FCHSD2: variants seen among roughly 807,000 people sequenced by gnomAD.
The protein encoded by FCHSD2 is F-BAR and double SH3 domains protein 2.
In FCHSD2, 38 loss-of-function variants were observed where a neutral mutation model predicts 108.1. The observed-to-expected ratio is 0.35, with a 90% CI of 0.27 to 0.46. FCHSD2 has a LOEUF of 0.46. Ranked by LOEUF, FCHSD2 falls within the 20% of genes least tolerant of loss-of-function variation. The probability of loss-of-function intolerance (pLI) is 1.00; values close to 1 mark genes in which losing one functional copy is unlikely to be tolerated. For synonymous variants in FCHSD2, 279 were observed against 314.7 expected (o/e 0.89, Z 1.20); for missense variants, 751 against 897.8 (o/e 0.84, Z 2.09).
chr11:73,010,507 T>C (rs1455994094), intron 4 of FCHSD2, among the ~76,000 whole-genome samples: 7 of 152,364 alleles, frequency 4.6e-5, no homozygotes, highest in East Asian at 1.9e-4. Flanking sequence ...TCTGATGTGA[T>C]AGTCACTTCT....
intron 1 of FCHSD2, among the ~76,000 whole-genome samples, chr11:73,140,332 T>C (rs1405139038): frequency 6.6e-6 from 1 of 152,142 alleles, no homozygotes; most frequent in Non-Finnish European, 1.5e-5. Flanking sequence ...AGAGGTTAAA[T>C]GAAAATACAC....
intron 8 of FCHSD2, among the ~76,000 whole-genome samples, chr11:72,969,460 A>G (rs1365345981): frequency 1.3e-5 from 2 of 152,240 alleles, no homozygotes; most frequent in Non-Finnish European, 2.9e-5. Flanking sequence ...GGACAGAGAC[A>G]AAAAGATGAA....
chr11:72,921,505 C>T (rs1000797589), intron 9 of FCHSD2, among the ~76,000 whole-genome samples: 3 of 152,130 alleles, frequency 2.0e-5, no homozygotes, highest in Non-Finnish European at 2.9e-5. Flanking sequence ...CTGTTGTTTC[C>T]CCCATGTGAG....
intron 8 of FCHSD2, among the ~76,000 whole-genome samples, chr11:72,957,122 C>T (rs865979142): frequency 1.3e-5 from 2 of 150,298 alleles, no homozygotes; most frequent in Non-Finnish European, 3.0e-5. Context: ...CATGCTGGTG[C>T]GCTGCACCCA....
chr11:72,938,934 T>A (rs890407473), intron 8 of FCHSD2, among the ~76,000 whole-genome samples: 3 of 152,168 alleles, frequency 2.0e-5, no homozygotes, highest in Non-Finnish European at 4.4e-5. Context: ...TCTAAAAAAA[T>A]ATAGTAAGGA....
At chr11:73,090,219 CTTTTTTTTTTTTTT>C (rs59603567) in intron 2 of FCHSD2, among the ~76,000 whole-genome samples, 1 of 77,022 alleles carries the variant, frequency 1.3e-5, no homozygotes, top group Non-Finnish European at 2.3e-5. Context: ...TACAATACTT[CTTTTTTTTTTTTTT>C]TTTTTTTTTT....
At chr11:72,869,573 T>C (rs570243606) in intron 12 of FCHSD2, 1 of 152,166 alleles carries the variant, frequency 6.6e-6, no homozygotes, top group African/African-American at 2.4e-5. Context: ...CGAATTTGTG[T>C]GTCATCCTTG....
intron 8 of FCHSD2, among the ~76,000 whole-genome samples, chr11:72,930,421 T>C (rs958322946): frequency 6.6e-6 from 1 of 152,238 alleles, no homozygotes; most frequent in Non-Finnish European, 1.5e-5. Context: ...AAAACATTTT[T>C]AATTTAGAGA....
chr11:73,041,022 C>T (rs1249581652), intron 3 of FCHSD2, among the ~76,000 whole-genome samples: 1 of 152,142 alleles, frequency 6.6e-6, no homozygotes, highest in Non-Finnish European at 1.5e-5. Context: ...AACATAATGA[C>T]CTCCAGTTCC....
chr11:73,096,593 C>A (rs1176601566), intron 2 of FCHSD2, among the ~76,000 whole-genome samples: 1 of 151,914 alleles, frequency 6.6e-6, no homozygotes. Flanking sequence ...GCATATACCA[C>A]TTCCAGATAG....
intron 2 of FCHSD2, among the ~76,000 whole-genome samples, chr11:73,089,900 T>C (rs888124444): frequency 1.3e-5 from 2 of 152,138 alleles, no homozygotes; most frequent in Admixed American, 1.3e-4. Flanking sequence ...GAAAGAGTAA[T>C]ATTTTTTTAA....
At chr11:73,113,859 T>C (rs1039420206) in intron 2 of FCHSD2, among the ~76,000 whole-genome samples, 2 of 152,178 alleles carry the variant, frequency 1.3e-5, no homozygotes, top group Non-Finnish European at 2.9e-5. Context: ...ACTGCCTTAG[T>C]GGTCTTGGTT....
At chr11:72,867,407 G>A (rs965847563) in intron 13 of FCHSD2, among the ~76,000 whole-genome samples, 1 of 152,142 alleles carries the variant, frequency 6.6e-6, no homozygotes, top group Non-Finnish European at 1.5e-5. Context: ...GAATATGAAA[G>A]CTGTCAAGAA....
intron 8 of FCHSD2, among the ~76,000 whole-genome samples, chr11:72,948,090 C>T (rs949014487): frequency 2.0e-5 from 3 of 152,184 alleles, no homozygotes; most frequent in African/African-American, 4.8e-5. Flanking sequence ...TCACTGCAAC[C>T]TCCACCTCTG....
intron 8 of FCHSD2, among the ~76,000 whole-genome samples, chr11:72,934,395 A>C (rs1014365612): frequency 1.4e-5 from 2 of 146,202 alleles, no homozygotes; most frequent in Non-Finnish European, 3.0e-5. Flanking sequence ...CAGCGGCACT[A>C]TCTCGGCTCA....
intron 13 of FCHSD2, among the ~76,000 whole-genome samples, chr11:72,851,801 G>GA (rs1861296729): frequency 6.6e-6 from 1 of 150,664 alleles, no homozygotes; most frequent in Non-Finnish European, 1.5e-5. Context: ...TGAAGTATGT[G>GA]AAAAAACACT....
chr11:72,949,045 C>A (rs1268974991), intron 8 of FCHSD2, among the ~76,000 whole-genome samples: 1 of 152,178 alleles, frequency 6.6e-6, no homozygotes, highest in African/African-American at 2.4e-5. Flanking sequence ...ATATTAGTCA[C>A]ACACCATTAA....
At chr11:73,120,392 T>C (rs968637534) in intron 2 of FCHSD2, among the ~76,000 whole-genome samples, 7 of 152,228 alleles carry the variant, frequency 4.6e-5, no homozygotes, top group African/African-American at 1.7e-4. Context: ...ATGTCTCATT[T>C]GGTAGCAAAC....
intron 8 of FCHSD2, among the ~76,000 whole-genome samples, chr11:72,971,674 A>G (rs1381703205): frequency 6.6e-6 from 1 of 152,116 alleles, no homozygotes; most frequent in Non-Finnish European, 1.5e-5. Flanking sequence ...TTTTGCCAAC[A>G]ACCTGAATGA....
Sources: allele counts gnomAD v4.1 joint callset (sites outside exome capture counted in the v4.1 genomes callset), GRCh38; gene constraint gnomAD v4.1.1; transcripts MANE v1.5; gene names NCBI Gene and HGNC (gene_info 2026-07-23, HGNC 2026-07-21).